The following CELF2 variants were observed in gnomAD, a reference collection of about 807,000 sequenced individuals.
The protein encoded by CELF2 is CUGBP Elav-like family member 2, also known as CUG triplet repeat RNA-binding protein 2.
In CELF2, 8 loss-of-function variants were observed where a neutral mutation model predicts 62.6. The observed-to-expected ratio is 0.13, with a 90% confidence interval of 0.07 to 0.23. The LOEUF (loss-of-function observed/expected upper bound fraction) is 0.23. CELF2 is among the 10% of genes least tolerant of loss of function. The probability of loss-of-function intolerance (pLI) is 1.00; values close to 1 mark genes in which losing one functional copy is unlikely to be tolerated. For synonymous variants in CELF2, 258 were observed against 250.0 expected (o/e 1.03, Z -0.30); for missense variants, 333 against 671.0 (o/e 0.50, Z 5.56).
At chr10:10,778,591 G>A in the CELF2 span, among the ~76,000 whole-genome samples, 1 of 152,174 alleles carries the variant, frequency 6.6e-6, no homozygotes, top group Non-Finnish European at 1.5e-5. Flanking sequence ...TTACCCTGAA[G>A]AGTAATCACC....
chr10:10,626,746 G>A, the CELF2 span, among the ~76,000 whole-genome samples: 2 of 152,190 alleles, frequency 1.3e-5, no homozygotes, highest in Admixed American at 1.3e-4. Flanking sequence ...CTTATTCAAC[G>A]TGCTTGCTTC....
At chr10:10,644,144 A>G in the CELF2 span, among the ~76,000 whole-genome samples, 4 of 152,300 alleles carry the variant, frequency 2.6e-5, no homozygotes, top group East Asian at 3.9e-4. Context: ...TTACAGACTC[A>G]TGTCTCCTGT....
At chr10:11,062,973 C>T (rs769731031) in intron 1 of CELF2, among the ~76,000 whole-genome samples, 5 of 152,128 alleles carry the variant, frequency 3.3e-5, no homozygotes, top group African/African-American at 4.8e-5. Context: ...CCATCAGCAT[C>T]GAGGCAGGAC....
At chr10:10,981,075 C>G (rs1268348737) in intron 2 of CELF2, among the ~76,000 whole-genome samples, 2 of 152,312 alleles carry the variant, frequency 1.3e-5, no homozygotes, top group African/African-American at 4.8e-5. Context: ...AACCCTTCTG[C>G]CATTGTGACA....
At chr10:10,836,871 G>A (rs943455115) in intron 1 of CELF2, among the ~76,000 whole-genome samples, 6 of 152,168 alleles carry the variant, frequency 3.9e-5, no homozygotes, top group African/African-American at 1.4e-4. Flanking sequence ...TCCTGACCTC[G>A]TGATCTGCCT....
the CELF2 span, among the ~76,000 whole-genome samples, chr10:10,514,901 G>T: frequency 6.6e-6 from 1 of 152,276 alleles, no homozygotes; most frequent in South Asian, 2.1e-4. Flanking sequence ...ATTGCTCCCA[G>T]ATCAATCTTA....
At chr10:10,617,848 AATTTAC>A in the CELF2 span, among the ~76,000 whole-genome samples, 45 of 152,232 alleles carry the variant, frequency 3.0e-4, no homozygotes, top group African/African-American at 1.1e-3. Flanking sequence ...ATGCACATCT[AATTTAC>A]ATTAACATTC....
chr10:11,252,396 G>T (rs1352485687), intron 4 of CELF2, among the ~76,000 whole-genome samples: 1 of 152,228 alleles, frequency 6.6e-6, no homozygotes, highest in Non-Finnish European at 1.5e-5. Context: ...ATCACAGTTA[G>T]ACAGTTACTG....
chr10:10,663,926 A>G, the CELF2 span, among the ~76,000 whole-genome samples: 1 of 152,214 alleles, frequency 6.6e-6, no homozygotes, highest in Non-Finnish European at 1.5e-5. Flanking sequence ...TGTAAGTGAC[A>G]TTTTGAAAGA....
At chr10:10,641,081 C>A in the CELF2 span, among the ~76,000 whole-genome samples, 1 of 152,190 alleles carries the variant, frequency 6.6e-6, no homozygotes, top group African/African-American at 2.4e-5. Context: ...TCAGTCAGTC[C>A]TAACTTACTG....
intron 1 of CELF2, among the ~76,000 whole-genome samples, chr10:10,850,581 G>A (rs991885564): frequency 2.6e-5 from 4 of 152,172 alleles, no homozygotes; most frequent in Non-Finnish European, 1.5e-5. Context: ...TCAGACTCTA[G>A]GAAGGATGTT....
chr10:10,759,543 C>CAGG, the CELF2 span, among the ~76,000 whole-genome samples: 1 of 151,952 alleles, frequency 6.6e-6, no homozygotes, highest in Non-Finnish European at 1.5e-5. Context: ...CTCCTGACCT[C>CAGG]AGGTGATCAC....
the CELF2 span, among the ~76,000 whole-genome samples, chr10:10,754,770 CGT>C: frequency 6.6e-6 from 1 of 152,160 alleles, no homozygotes; most frequent in Non-Finnish European, 1.5e-5. Flanking sequence ...TTGAATTCTA[CGT>C]GTTCTCTGAA....
chr10:11,267,226 A>G lies in CELF2; in HGVS notation c.618+549A>G, dbSNP rs2138411161. ...CATTGAAAGTGCAAATTTGGAAAAT[A>G]GGATTTGTCTCCTTCCTTAAAAAGA... On this transcript the variant is annotated intron_variant, in intron 6 of 12. Coordinates refer to ENST00000633077, the MANE Select transcript of CELF2 (RefSeq NM_001326342.2). This position sits in a 1 kb window ranked among gnomAD's most constrained non-coding sequence, Gnocchi z 4.4. Among the ~76,000 whole-genome samples the G allele has an allele frequency of 6.6e-6, 1 of 152,372 alleles. No homozygotes were observed. The highest frequency in any genetic ancestry group is 1.9e-4 in the East Asian group (1 of 5,190).
At chr10:11,181,444 T>G (rs569170403) in intron 2 of CELF2, among the ~76,000 whole-genome samples, 1 of 152,242 alleles carries the variant, frequency 6.6e-6, no homozygotes, top group African/African-American at 2.4e-5. Context: ...GAATTATTCC[T>G]TCAACATTCC....
At chr10:11,129,055 A>G (rs1182651761) in intron 1 of CELF2, among the ~76,000 whole-genome samples, 1 of 152,200 alleles carries the variant, frequency 6.6e-6, no homozygotes, top group Non-Finnish European at 1.5e-5. Context: ...GTGTTCCATC[A>G]ATACCTAGTG....
intron 1 of CELF2, among the ~76,000 whole-genome samples, chr10:11,058,319 A>G (rs1336292046): frequency 6.6e-6 from 1 of 152,170 alleles, no homozygotes. Context: ...GGCTGATTTT[A>G]AGGAGTTACA....
At chr10:11,322,232 G>A (rs1347064162) in intron 11 of CELF2, among the ~76,000 whole-genome samples, 2 of 152,202 alleles carry the variant, frequency 1.3e-5, no homozygotes, top group Admixed American at 1.3e-4. Flanking sequence ...GTTTTCAGGT[G>A]AATGATGAAA....
At chr10:10,883,209 A>T (rs2061544557) in intron 1 of CELF2, among the ~76,000 whole-genome samples, 2 of 152,222 alleles carry the variant, frequency 1.3e-5, no homozygotes, top group Non-Finnish European at 2.9e-5. Context: ...GCAAATTAAC[A>T]CTTTGACTAG....
Sources: gnomAD v4.1 joint callset for allele counts (sites outside exome capture counted in the v4.1 genomes callset) on GRCh38, gnomAD v4.1.1 for gene constraint, Gnocchi (gnomAD v3.1) non-coding constraint, MANE v1.5 for transcripts, NCBI Gene and HGNC (gene_info 2026-07-23, HGNC 2026-07-21) for gene names.